Variants in SLC9A1 observed in about 807,000 individuals in gnomAD.
SLC9A1 encodes sodium/hydrogen exchanger 1.
A neutral mutation model predicts 67.9 loss-of-function variants in SLC9A1; 22 were observed. That is an observed-to-expected ratio of 0.32 (90% CI 0.23 to 0.46). SLC9A1 has a LOEUF of 0.46. SLC9A1 is among the 20% of genes least tolerant of loss of function. The pLI is 1.00. For missense variants in SLC9A1, 686 were observed against 1,094.8 expected (o/e 0.63, Z 5.27); for synonymous variants, 421 against 471.8 (o/e 0.89, Z 1.40).
chr1:27,134,053 G>C (rs1395894440), intron 1 of SLC9A1, among the ~76,000 whole-genome samples: 3 of 152,062 alleles, frequency 2.0e-5, no homozygotes, highest in Admixed American at 1.3e-4. Context: ...ATGAGCTACC[G>C]CGCCCGGCCT....
intron 2 of SLC9A1, among the ~76,000 whole-genome samples, chr1:27,112,840 C>T (rs1223509202): frequency 2.8e-5 from 4 of 142,806 alleles, no homozygotes; most frequent in African/African-American, 5.3e-5. Context: ...GCTGAGCTTG[C>T]GTCACTGCAC....
intron 1 of SLC9A1, among the ~76,000 whole-genome samples, chr1:27,124,049 C>T (rs1027787828): frequency 1.3e-5 from 2 of 152,148 alleles, no homozygotes; most frequent in African/African-American, 4.8e-5. Context: ...GGATGTGTGG[C>T]TCCCCAGCTC....
intron 1 of SLC9A1, among the ~76,000 whole-genome samples, chr1:27,123,491 C>G (rs2083318916): frequency 6.6e-6 from 1 of 151,762 alleles, no homozygotes; most frequent in African/African-American, 2.4e-5. Context: ...TTATTATCCA[C>G]TTTTTATTTT....
chr1:27,125,390 C>T (rs2083336281), intron 1 of SLC9A1, among the ~76,000 whole-genome samples: 1 of 150,528 alleles, frequency 6.6e-6, no homozygotes, highest in Non-Finnish European at 1.5e-5. Context: ...GCATTACAGG[C>T]ACATGCTACC....
intron 1 of SLC9A1, among the ~76,000 whole-genome samples, chr1:27,124,892 T>A (rs2083330759): frequency 1.3e-5 from 2 of 152,038 alleles, no homozygotes; most frequent in South Asian, 4.1e-4. Context: ...GGTGGGGGCA[T>A]GAGCATCCTT....
intron 1 of SLC9A1, among the ~76,000 whole-genome samples, chr1:27,139,087 C>G (rs1369187964): frequency 1.3e-5 from 2 of 152,132 alleles, no homozygotes; most frequent in African/African-American, 4.8e-5. Flanking sequence ...ATGCTTCATC[C>G]AGCCCCGCCC....
intron 5 of SLC9A1, 130 bp downstream of exon 5, chr1:27,105,755 G>A: frequency 1.2e-6 from 1 of 817,896 alleles, no homozygotes; most frequent in Middle Eastern, 2.2e-4. Context: ...GCTCGCCCAA[G>A]GTCACACAGC....
In SLC9A1 at chr1:27,106,014, G is replaced by A. The variant is rs35607809; in HGVS notation, c.1356C>T (p.Ile452=). ...TGGCCCCTCGCAGGCCCCCATAGGC[G>A]ATGATGAACTGGTCCTTGGGGGTCA... ...VKLTPKDQFI[I]AYGGLRGAIA... The change falls in exon 5 of 12, where the codon ATC becomes ATT. Residue 452 remains isoleucine, a synonymous_variant. Coordinates refer to ENST00000263980, the MANE Select transcript of SLC9A1 (RefSeq NM_003047.5). The surrounding 1 kb of genome is among the most constrained non-coding windows in gnomAD (Gnocchi z 4.3). 6,924 of 1,613,582 alleles carry A rather than the reference G, an allele frequency of 4.3e-3. 23 individuals are homozygous for A. The highest frequency in any genetic ancestry group is 5.4e-3 in the Non-Finnish European group (6,318 of 1,179,912).
At chr1:27,140,402 A>C (rs2083446510) in intron 1 of SLC9A1, among the ~76,000 whole-genome samples, 1 of 152,082 alleles carries the variant, frequency 6.6e-6, no homozygotes, top group African/African-American at 2.4e-5. Context: ...TTGCACCCCT[A>C]ACCTCAGTAC....
rs1227083287 is a variant in SLC9A1, at chr1:27,125,231, T to TTC, written c.353-10947_353-10946dup. 1.2e-3 allele frequency among the ~76,000 whole-genome samples: 131 copies of TTC among 111,754 alleles called. 1 individual carries two copies. The highest frequency in any genetic ancestry group is 4.3e-3 in the African/African-American group (125 of 29,074). The allele number at this position is 111,754 out of a possible 152,430, so 73.3% of individuals were successfully genotyped here. A position where few individuals can be genotyped will look rare whatever the true frequency, so the allele number is the denominator to read the frequency against. On this transcript the variant is annotated intron_variant, in intron 1 of 11. Transcript: ENST00000263980. The stretch of plus-strand genomic sequence containing the variant: ...TCTCTTCTCTTTTCCTTCCTTCCTT[T>TTC]TCTTTCTTTTTTTTTTTTTTTTTTT...
chr1:27,149,157 T>C (rs1218659358), intron 1 of SLC9A1, among the ~76,000 whole-genome samples: 1 of 152,168 alleles, frequency 6.6e-6, no homozygotes, highest in African/African-American at 2.4e-5. Context: ...GCCCAACTCC[T>C]AGAGGGAGTC....
In SLC9A1 at chr1:27,100,867, C is replaced by A. The variant is rs1420864397; in HGVS notation, c.2111-223G>T. Among the ~76,000 whole-genome samples the A allele has an allele frequency of 6.6e-6, 1 of 152,238 alleles. No homozygotes were observed. The highest frequency in any genetic ancestry group is 1.9e-4 in the East Asian group (1 of 5,190). On this transcript the variant is annotated intron_variant, in intron 11 of 11. Transcript: ENST00000263980. This position sits in a 1 kb window ranked among gnomAD's most constrained non-coding sequence, Gnocchi z 5.6. ...AGGGGCTCCCAGAGGTGTCCCTCCACAGGCCAAGGCCTGGGGCTCCTCCCT... is the reference window on the plus strand; with the variant it reads ...AGGGGCTCCCAGAGGTGTCCCTCCAAAGGCCAAGGCCTGGGGCTCCTCCCT...
Position 27,109,449 on chromosome 1 carries a change from C to A in SLC9A1, c.1064+78G>T. 2 of 1,509,416 alleles carry A rather than the reference C, an allele frequency of 1.3e-6. No homozygotes were observed. Among genetic ancestry groups the A allele is most frequent in the South Asian group, 2.3e-5 (2 of 86,344 alleles). 93.5% of individuals were successfully genotyped at this position (1,509,416 alleles called of 1,614,324 possible). A position where few individuals can be genotyped will look rare whatever the true frequency, so the allele number is the denominator to read the frequency against. ...GCTGGGCCCTGGGAGCTCCGTGAAC[C>A]TACGAGCCTGGGGAATCCAAGCTGG... On this transcript the variant is annotated intron_variant, in intron 3 of 11. Transcript: ENST00000263980. This position sits in a 1 kb window ranked among gnomAD's most constrained non-coding sequence, Gnocchi z 5.5.
intron 1 of SLC9A1, among the ~76,000 whole-genome samples, chr1:27,141,540 A>C (rs2083453056): frequency 6.6e-6 from 1 of 152,070 alleles, no homozygotes; most frequent in South Asian, 2.1e-4. Context: ...TCTCTCTCCC[A>C]CCTCTAAACT....
At chr1:27,116,097 C>T (rs570168145) in intron 1 of SLC9A1, among the ~76,000 whole-genome samples, 8 of 152,202 alleles carry the variant, frequency 5.3e-5, no homozygotes, top group African/African-American at 1.7e-4. Flanking sequence ...CGGTAGCTCA[C>T]GCCTGTAATC....
At chr1:27,123,731 G>C (rs962616113) in intron 1 of SLC9A1, among the ~76,000 whole-genome samples, 1 of 151,994 alleles carries the variant, frequency 6.6e-6, no homozygotes, top group Admixed American at 6.6e-5. Flanking sequence ...GGCTGGTCTT[G>C]GACTCCTGAC....
intron 6 of SLC9A1, 51 bp downstream of exon 6, chr1:27,103,172 A>G (rs767108943): frequency 3.0e-6 from 4 of 1,324,656 alleles, no homozygotes; most frequent in Non-Finnish European, 4.4e-6. Context: ...GCTGCTCCCT[A>G]TCTCCCTGTT....
intron 1 of SLC9A1, 103 bp downstream of exon 1, chr1:27,153,880 G>T (rs1364392786): frequency 1.4e-6 from 1 of 736,398 alleles, no homozygotes; most frequent in African/African-American, 1.8e-5. Context: ...CTTTATGGGG[G>T]TAGTTCAGAT....
Position 27,113,898 on chromosome 1 carries a change from C to T in SLC9A1, c.741G>A (p.Glu247=). Residue 247 remains glutamate (E), a synonymous_variant, in exon 2 of 12, where the codon GAG becomes GAA. Coordinates refer to ENST00000263980, the MANE Select transcript of SLC9A1 (RefSeq NM_003047.5). The part of the protein sequence containing the change: ...VDPVAVLAVF[E]EIHINELLHI... ...GCAGCAGCTCATTGATGTGAATTTCCTCAAAGACAGCCAGAACCGCCACGG... is the reference window on the plus strand; with the variant it reads ...GCAGCAGCTCATTGATGTGAATTTCTTCAAAGACAGCCAGAACCGCCACGG... 1 of 1,614,216 alleles carries T rather than the reference C, an allele frequency of 6.2e-7. No individual in the cohort carries two copies. Among genetic ancestry groups the T allele is most frequent in the Non-Finnish European group, 8.5e-7 (1 of 1,180,038 alleles).
Sources: gnomAD v4.1 joint callset for allele counts (sites outside exome capture counted in the v4.1 genomes callset) on GRCh38, gnomAD v4.1.1 for gene constraint, Gnocchi (gnomAD v3.1) non-coding constraint, MANE v1.5 for transcripts, NCBI Gene and HGNC (gene_info 2026-07-23, HGNC 2026-07-21) for gene names.